ELK4: variants seen among roughly 807,000 people sequenced by gnomAD.
ELK4 encodes ETS domain-containing protein Elk-4.
Under a neutral mutation model 29.6 loss-of-function variants are expected in ELK4, and 16 were observed. The ratio of observed to expected loss-of-function variants is 0.54; its 90% CI spans 0.37 to 0.82. The LOEUF (loss-of-function observed/expected upper bound fraction) is 0.82. ELK4 is among the 40% of genes least tolerant of loss of function. The probability of loss-of-function intolerance (pLI) is 0.00; values close to 1 mark genes in which losing one functional copy is unlikely to be tolerated. For synonymous variants in ELK4, 213 were observed against 191.1 expected (o/e 1.11, Z -0.95); for missense variants, 465 against 507.1 (o/e 0.92, Z 0.80).
intron 2 of ELK4, among the ~76,000 whole-genome samples, chr1:205,621,171 G>A (rs147887712): frequency 0.04 from 5,464 of 135,310 alleles, 156 homozygotes; most frequent in Non-Finnish European, 0.063. Flanking sequence ...CTCCAGCCTG[G>A]TGACAGAGCA....
At chr1:205,617,925 TAATTA>T (rs958352009) in intron 4 of ELK4, among the ~76,000 whole-genome samples, 4 of 151,982 alleles carry the variant, frequency 2.6e-5, no homozygotes, top group Non-Finnish European at 4.4e-5. Flanking sequence ...TTTTAATCTT[TAATTA>T]AAAGAGGGAA....
chr1:205,620,940 T>C, intron 2 of ELK4, 102 bp from the exon 3 acceptor site: 1 of 1,293,418 alleles, frequency 7.7e-7, no homozygotes, highest in Non-Finnish European at 1.0e-6. Context: ...CTCATGCCTG[T>C]AATCCCAGCA....
At chr1:205,618,811 A>G in intron 4 of ELK4, 146 bp downstream of exon 4, 1 of 518,118 alleles carries the variant, frequency 1.9e-6, no homozygotes, top group Non-Finnish European at 3.3e-6. Flanking sequence ...TGACATGGTG[A>G]GGACTCCATC....
In ELK4 at chr1:205,616,023, A is replaced by C. The variant is rs1025662277; in HGVS notation, c.*523T>G. ...TGCTCCAATCTTACTTTGTATGAAT[A>C]GGAATGATTCTTCTTCTTCCACTGC... On this transcript the variant is annotated 3_prime_UTR_variant, in exon 5 of 5. Coordinates refer to ENST00000357992, the MANE Select transcript of ELK4 (RefSeq NM_001973.4). 1 of 225,112 alleles carries C rather than the reference A, an allele frequency of 4.4e-6. No homozygotes were observed. The highest frequency in any genetic ancestry group is 8.9e-6 in the Non-Finnish European group (1 of 112,748). 13.9% of individuals were successfully genotyped at this position (225,112 alleles called of 1,614,324 possible).
intron 1 of ELK4, among the ~76,000 whole-genome samples, chr1:205,628,091 A>G (rs920393338): frequency 2.0e-5 from 3 of 152,260 alleles, no homozygotes; most frequent in African/African-American, 7.2e-5. Flanking sequence ...ATAATAATCC[A>G]CAAATATGAA....
intron 1 of ELK4, among the ~76,000 whole-genome samples, chr1:205,631,099 G>C (rs1384110786): frequency 6.6e-6 from 1 of 152,204 alleles, no homozygotes; most frequent in African/African-American, 2.4e-5. Flanking sequence ...TACCAGCCTC[G>C]ATGCAGCTGT....
intron 2 of ELK4, among the ~76,000 whole-genome samples, chr1:205,622,499 TC>T (rs1670370742): frequency 6.6e-6 from 1 of 152,132 alleles, no homozygotes; most frequent in Admixed American, 6.5e-5. Flanking sequence ...GCTTAAGTGA[TC>T]CTCCTGCCTC....
intron 3 of ELK4, 117 bp from the exon 4 acceptor site, chr1:205,619,190 C>G: frequency 8.6e-7 from 1 of 1,169,570 alleles, no homozygotes; most frequent in Non-Finnish European, 1.1e-6. Flanking sequence ...CCAAATATCT[C>G]CAAGTCTGAA....
Position 205,612,619 on chromosome 1 carries a change from G to A in ELK4, c.*3927C>T. 1 of 210,834 alleles carries A rather than the reference G, an allele frequency of 4.7e-6. No homozygotes were observed. The highest frequency in any genetic ancestry group is 2.3e-5 in the African/African-American group (1 of 44,146). 13.1% of individuals were successfully genotyped at this position (210,834 alleles called of 1,614,324 possible). ...AGGTATTGAGAAGTGGTACTGAGTGGCTCTAAATGTGCTTACATTCACCAA... is the reference window on the plus strand; with the variant it reads ...AGGTATTGAGAAGTGGTACTGAGTGACTCTAAATGTGCTTACATTCACCAA... On this transcript the variant is annotated 3_prime_UTR_variant, in exon 5 of 5. Transcript: ENST00000357992.
At chr1:205,627,452 T>C (rs1008837396) in intron 1 of ELK4, among the ~76,000 whole-genome samples, 2 of 151,340 alleles carry the variant, frequency 1.3e-5, no homozygotes, top group South Asian at 4.2e-4. Flanking sequence ...GAGTTTGCAG[T>C]GAGCTGAGAT....
chr1:205,629,814 T>C lies in ELK4; in HGVS notation c.-10+1818A>G, dbSNP rs186125475. Among the ~76,000 whole-genome samples the C allele has an allele frequency of 1.2e-3, 185 of 152,302 alleles. 1 individual carries two copies. Among genetic ancestry groups the C allele is most frequent in the Admixed American group, 0.011 (170 of 15,288 alleles). On this transcript the variant is annotated intron_variant, in intron 1 of 4. Transcript: ENST00000357992. Reference sequence around the variant, plus strand: ...GCTTCATGCCTGTAATCCCAGCACTTTGGGAGGCCAAGGGGGGAGCTTGAG... The same window carrying C: ...GCTTCATGCCTGTAATCCCAGCACTCTGGGAGGCCAAGGGGGGAGCTTGAG...
chr1:205,623,925 T>C (rs901903512), intron 1 of ELK4, 34 bp from the exon 2 acceptor site: 6 of 1,592,450 alleles, frequency 3.8e-6, no homozygotes, highest in African/African-American at 1.3e-5. Flanking sequence ...GTGATAATAT[T>C]AACAGCCAAC....
At chr1:205,624,236 AC>A (rs1225017582) in intron 1 of ELK4, among the ~76,000 whole-genome samples, 1 of 152,204 alleles carries the variant, frequency 6.6e-6, no homozygotes, top group Admixed American at 6.5e-5. Flanking sequence ...ATAGGAAAAA[AC>A]AATGATTGTC....
rs1048900235 is a variant in ELK4, at chr1:205,608,700, A to C, written c.*7846T>G. ...TATCCATTCCTCTGGGTAGGTGTGCACTTACATTATATGTAAGTATCTCTA... is the reference window on the plus strand; with the variant it reads ...TATCCATTCCTCTGGGTAGGTGTGCCCTTACATTATATGTAAGTATCTCTA... On this transcript the variant is annotated 3_prime_UTR_variant, in exon 5 of 5. Coordinates refer to ENST00000357992, the MANE Select transcript of ELK4 (RefSeq NM_001973.4). 1 of 194,100 alleles carries C rather than the reference A, an allele frequency of 5.2e-6. No individual in the cohort carries two copies. Among genetic ancestry groups the C allele is most frequent in the African/African-American group, 2.3e-5 (1 of 43,170 alleles). 12.0% of individuals were successfully genotyped at this position (194,100 alleles called of 1,614,324 possible).
Position 205,620,171 on chromosome 1 carries a change from A to C in ELK4, c.875T>G (p.Leu292Arg), listed in dbSNP as rs1670306324. The change falls in exon 3 of 5, where the codon CTT becomes CGT. Residue 292 changes from leucine to arginine, a missense_variant. By Grantham distance (102) the Leu-to-Arg change is moderately radical. Coordinates refer to ENST00000357992, the MANE Select transcript of ELK4 (RefSeq NM_001973.4). ...AGGCTCCAGTGACAAATTCTCTGGA[A>C]GTTCCATTGGCTGAGAAGCCACTGA... ...IDSVASQPMELPENLSLEPKD... is the reference protein window; with the variant it reads ...IDSVASQPMERPENLSLEPKD... 1 of 1,614,132 alleles carries C rather than the reference A, an allele frequency of 6.2e-7. No homozygotes were observed. The highest frequency in any genetic ancestry group is 1.3e-5 in the African/African-American group (1 of 74,938).
At chr1:205,628,988 A>C (rs1224352945) in intron 1 of ELK4, among the ~76,000 whole-genome samples, 9 of 152,112 alleles carry the variant, frequency 5.9e-5, no homozygotes. Flanking sequence ...CCTGGCTAAC[A>C]AGGTGAAACC....
chr1:205,621,316 G>A (rs1297469930), intron 2 of ELK4, among the ~76,000 whole-genome samples: 3 of 150,702 alleles, frequency 2.0e-5, no homozygotes. Context: ...ACCAAACACA[G>A]TCCCTACTAT....
At position 205,609,731 on chromosome 1, in the gene ELK4, A is replaced by G. The variant is rs1670126084; in HGVS notation, c.*6815T>C. On this transcript the variant is annotated 3_prime_UTR_variant, in exon 5 of 5. Transcript: ENST00000357992. ...AAACAGAAAAGAAACTTAAAATTGG[A>G]TACTTTATAAATTTAAGTGTAATCT... 9.6e-6 allele frequency: 2 copies of G among 208,412 alleles called. No homozygotes were observed. The highest frequency in any genetic ancestry group is 3.8e-4 in the South Asian group (2 of 5,312). 12.9% of individuals were successfully genotyped at this position (208,412 alleles called of 1,614,324 possible).
Position 205,616,554 on chromosome 1 carries a change from T to C in ELK4, c.1288A>G (p.Lys430Glu). 1.9e-6 allele frequency: 3 copies of C among 1,614,108 alleles called. No individual in the cohort carries two copies. Among genetic ancestry groups the C allele is most frequent in the Non-Finnish European group, 2.5e-6 (3 of 1,179,964 alleles). ...TTCCACAAGTGCATAGGTTATGTCT[T>C]CTGTAGGTCTGGGGAAAATGGGCCA... ...TPGPFSPDLQKT is the reference protein window; with the variant it reads ...TPGPFSPDLQET The change falls in exon 5 of 5, where the codon AAG becomes GAG. Residue 430 changes from lysine (K) to glutamate (E), a missense_variant. Around this residue, in one of 2 missense-constraint regions of ELK4, gnomAD observed 80 missense variants for 119.6 expected, o/e 0.67. Coordinates refer to ENST00000357992, the MANE Select transcript of ELK4 (RefSeq NM_001973.4).
Sources: allele counts gnomAD v4.1 joint callset (sites outside exome capture counted in the v4.1 genomes callset), GRCh38; gene constraint gnomAD v4.1.1; regional missense constraint gnomAD v4.1.1; transcripts MANE v1.5; gene names NCBI Gene and HGNC (gene_info 2026-07-23, HGNC 2026-07-21).